CNTN4: variants seen among roughly 807,000 people sequenced by gnomAD.
CNTN4 encodes the protein contactin-4.
CNTN4 carries 77 observed loss-of-function variants against 122.5 expected under a neutral mutation model. The observed-to-expected ratio is 0.63, with a 90% CI of 0.52 to 0.76. CNTN4 has a LOEUF of 0.76. Among genes scored for constraint, CNTN4 ranks in the 30% least tolerant of loss-of-function variants. The pLI is 0.00. For synonymous variants in CNTN4, 512 were observed against 447.0 expected, an observed-to-expected ratio of 1.15 and a Z score of -1.83; for missense variants, 1,256 against 1,259.1, an observed-to-expected ratio of 1.00 and a Z score of 0.04.
intron 2 of CNTN4, among the ~76,000 whole-genome samples, chr3:2,338,526 G>C (rs9814112): frequency 0.017 from 2,588 of 151,858 alleles, 77 homozygotes; most frequent in African/African-American, 0.059. Flanking sequence ...GCAGAAACTT[G>C]GTTAGAGGAT....
chr3:2,670,920 C>T (rs1326019369), intron 4 of CNTN4, among the ~76,000 whole-genome samples: 1 of 152,122 alleles, frequency 6.6e-6, no homozygotes, highest in African/African-American at 2.4e-5. Flanking sequence ...TGAATATTGG[C>T]CCCCCACTCT....
chr3:2,194,464 A>T (rs1025252089), intron 2 of CNTN4, among the ~76,000 whole-genome samples: 1 of 152,172 alleles, frequency 6.6e-6, no homozygotes, highest in Non-Finnish European at 1.5e-5. Context: ...CCATGTCAAC[A>T]GAAAAGAAAG....
At chr3:2,689,742 G>C (rs2085625647) in intron 4 of CNTN4, among the ~76,000 whole-genome samples, 1 of 152,086 alleles carries the variant, frequency 6.6e-6, no homozygotes, top group South Asian at 2.1e-4. Flanking sequence ...TTCATGTAGT[G>C]CTCTGGCCCC....
At chr3:2,780,076 CAAAGA>C (rs1473928384) in intron 6 of CNTN4, among the ~76,000 whole-genome samples, 1 of 152,098 alleles carries the variant, frequency 6.6e-6, no homozygotes, top group Non-Finnish European at 1.5e-5. Context: ...AACATGTGAT[CAAAGA>C]GAAAAAGTTA....
intron 2 of CNTN4, among the ~76,000 whole-genome samples, chr3:2,169,436 TGG>T (rs539538831): frequency 0.03 from 4,571 of 152,242 alleles, 84 homozygotes; most frequent in Non-Finnish European, 0.042. Context: ...AGACGGAGTC[TGG>T]CTCTGTCACT....
chr3:2,836,260 A>G (rs1269123169), intron 7 of CNTN4, among the ~76,000 whole-genome samples: 3 of 152,206 alleles, frequency 2.0e-5, no homozygotes, highest in Non-Finnish European at 4.4e-5. Flanking sequence ...CATTTTATAA[A>G]GAAAATATTT....
chr3:2,507,402 C>T (rs535871772), intron 3 of CNTN4, among the ~76,000 whole-genome samples: 101 of 151,994 alleles, frequency 6.6e-4, no homozygotes, highest in African/African-American at 2.4e-3. Flanking sequence ...TTTTTGTTCT[C>T]TTCTTGGATG....
intron 10 of CNTN4, among the ~76,000 whole-genome samples, chr3:2,896,787 A>C (rs1251956074): frequency 6.6e-6 from 1 of 152,116 alleles, no homozygotes; most frequent in Non-Finnish European, 1.5e-5. Flanking sequence ...CAGACTCATA[A>C]AGTCTACTAT....
chr3:3,010,666 A>G (rs1339267079), intron 14 of CNTN4, among the ~76,000 whole-genome samples: 1 of 152,136 alleles, frequency 6.6e-6, no homozygotes, highest in African/African-American at 2.4e-5. Flanking sequence ...TAAATTATGT[A>G]CTATATAGCC....
At chr3:2,546,448 G>T (rs1559217341) in intron 3 of CNTN4, among the ~76,000 whole-genome samples, 1 of 152,034 alleles carries the variant, frequency 6.6e-6, no homozygotes, top group African/African-American at 2.4e-5. Flanking sequence ...ACTTATAAGT[G>T]AACACATGGA....
intron 12 of CNTN4, among the ~76,000 whole-genome samples, chr3:2,925,160 T>C (rs968490506): frequency 9.9e-5 from 15 of 152,212 alleles, no homozygotes; most frequent in African/African-American, 3.6e-4. Flanking sequence ...ATGCAAATTA[T>C]ACCTCAAAGT....
chr3:2,563,919 T>TA (rs879515819), intron 3 of CNTN4, among the ~76,000 whole-genome samples: 108 of 141,182 alleles, frequency 7.6e-4, no homozygotes, highest in Middle Eastern at 3.7e-3. Flanking sequence ...ACAAGTACTA[T>TA]AAAAAAAAAA....
At chr3:2,670,082 G>A (rs534676264) in intron 4 of CNTN4, among the ~76,000 whole-genome samples, 24 of 152,210 alleles carry the variant, frequency 1.6e-4, no homozygotes, top group African/African-American at 5.5e-4. Flanking sequence ...GATTTGCGGG[G>A]AGAGTTCTGT....
chr3:2,930,339 G>A (rs189734249), intron 13 of CNTN4, among the ~76,000 whole-genome samples: 22 of 152,224 alleles, frequency 1.4e-4, no homozygotes, highest in Non-Finnish European at 2.2e-4. Context: ...GACCTTCAGC[G>A]AGTTTGGATT....
rs182964967 is a variant in CNTN4 at position 2,574,259 on chromosome 3, C to G, written c.55+2701C>G. On this transcript the variant is annotated intron_variant, in intron 4 of 24. Coordinates refer to ENST00000418658, the MANE Select transcript of CNTN4 (RefSeq NM_175607.3). ...AAAACAAAACAAAAAACTGCTCATT[C>G]TTTTCCTTTTGTGTATCATCCATAA... Among the ~76,000 whole-genome samples, 81 of 152,158 alleles carry G rather than the reference C, an allele frequency of 5.3e-4. 1 individual carries two copies. The Middle Eastern group carries it at 0.02, about 38-fold the overall frequency.
At chr3:2,852,776 C>A (rs1386971700) in intron 7 of CNTN4, among the ~76,000 whole-genome samples, 1 of 152,200 alleles carries the variant, frequency 6.6e-6, no homozygotes, top group Admixed American at 6.5e-5. Context: ...ATACTTCACA[C>A]ACCCAAGGTA....
intron 3 of CNTN4, among the ~76,000 whole-genome samples, chr3:2,416,236 AAAG>A (rs573944940): frequency 1.3e-4 from 20 of 152,250 alleles, no homozygotes; most frequent in African/African-American, 4.8e-4. Flanking sequence ...ATCCTCCATA[AAAG>A]AATAGGATTC....
intron 14 of CNTN4, among the ~76,000 whole-genome samples, chr3:2,993,297 T>A (rs1392725221): frequency 1.3e-5 from 2 of 149,354 alleles, no homozygotes; most frequent in Admixed American, 6.7e-5. Flanking sequence ...AGAGACTGTG[T>A]AATTTTTTTT....
intron 15 of CNTN4, among the ~76,000 whole-genome samples, chr3:3,027,251 A>T (rs1698804643): frequency 6.6e-6 from 1 of 152,180 alleles, no homozygotes; most frequent in Non-Finnish European, 1.5e-5. Flanking sequence ...AATTTCAATG[A>T]CTGTTGTCTC....
Sources: gnomAD v4.1 joint callset for allele counts (sites outside exome capture counted in the v4.1 genomes callset) on GRCh38, gnomAD v4.1.1 for gene constraint, MANE v1.5 for transcripts, NCBI Gene and HGNC (gene_info 2026-07-23, HGNC 2026-07-21) for gene names.